The following WIPF1 variants were observed in gnomAD, a reference collection of about 807,000 sequenced individuals.
WIPF1 encodes the protein WAS/WASL-interacting protein family member 1.
WIPF1 carries 13 observed loss-of-function variants against 35.4 expected under a neutral mutation model. The ratio of observed to expected loss-of-function variants is 0.37; its 90% CI spans 0.24 to 0.58. WIPF1 has a LOEUF of 0.58. Among genes scored for constraint, WIPF1 ranks in the 20% least tolerant of loss-of-function variants. The pLI is 0.74. For synonymous variants in WIPF1, 267 were observed against 266.3 expected (o/e 1.00, Z -0.02); for missense variants, 591 against 667.0 (o/e 0.89, Z 1.25).
intron 1 of WIPF1, among the ~76,000 whole-genome samples, chr2:174,606,056 GGTTCTTCC>G (rs1686153418): frequency 6.6e-6 from 1 of 152,040 alleles, no homozygotes; most frequent in Non-Finnish European, 1.5e-5. Context: ...AAGAACAAGT[GGTTCTTCC>G]CAGAAAAGGA....
intron 1 of WIPF1, among the ~76,000 whole-genome samples, chr2:174,620,857 G>A (rs895702943): frequency 2.6e-5 from 4 of 152,168 alleles, no homozygotes; most frequent in African/African-American, 9.7e-5. Context: ...GGGAAGAAGT[G>A]GATTAAGATA....
Position 174,571,642 on chromosome 2 carries a change from T to A in WIPF1, c.1129+34A>T, listed in dbSNP as rs756064139. On this transcript the variant is annotated intron_variant, in intron 5 of 7. Coordinates refer to ENST00000679041, the MANE Select transcript of WIPF1 (RefSeq NM_001375834.1). The surrounding 1 kb of genome is among the most constrained non-coding windows in gnomAD (Gnocchi z 4.6). ...TATTGGTACATTTGGGCAGGCTGGG[T>A]TTTGGAAGCAACTCACTCCACGTCT... The A allele has an allele frequency of 1.9e-5, 31 of 1,613,690 alleles. No individual in the cohort carries two copies. The highest frequency in any genetic ancestry group is 2.6e-5 in the Non-Finnish European group (31 of 1,179,930).
chr2:174,584,521 G>C (rs1685339546), intron 2 of WIPF1, among the ~76,000 whole-genome samples: 1 of 152,186 alleles, frequency 6.6e-6, no homozygotes, highest in African/African-American at 2.4e-5. Flanking sequence ...AGAGGGCTTT[G>C]TAACAGAGCG....
intron 1 of WIPF1, among the ~76,000 whole-genome samples, chr2:174,643,656 C>T (rs1687343649): frequency 7.3e-6 from 1 of 137,232 alleles, no homozygotes; most frequent in Admixed American, 6.9e-5. Context: ...GTGGTCTGCC[C>T]ACCTTGGCCT....
intron 1 of WIPF1, among the ~76,000 whole-genome samples, chr2:174,674,239 A>G (rs1688082070): frequency 6.6e-6 from 1 of 152,242 alleles, no homozygotes; most frequent in Admixed American, 6.5e-5. Context: ...ATCTGCTATG[A>G]TTCACTTTTT....
intron 1 of WIPF1, among the ~76,000 whole-genome samples, chr2:174,659,441 G>C (rs559373321): frequency 3.9e-5 from 6 of 152,226 alleles, no homozygotes; most frequent in Admixed American, 3.3e-4. Flanking sequence ...GATCCTGCTG[G>C]GACTCTAAAA....
At chr2:174,636,945 C>T (rs1428645307) in intron 1 of WIPF1, among the ~76,000 whole-genome samples, 3 of 152,208 alleles carry the variant, frequency 2.0e-5, no homozygotes, top group African/African-American at 7.2e-5. Context: ...TGTAAAGTTG[C>T]TCCCTGCTTC....
intron 1 of WIPF1, among the ~76,000 whole-genome samples, chr2:174,668,309 T>G (rs1415570968): frequency 1.3e-5 from 2 of 152,206 alleles, no homozygotes; most frequent in Non-Finnish European, 2.9e-5. Flanking sequence ...TCTCCGGGGC[T>G]CTGTCTCTTT....
intron 1 of WIPF1, among the ~76,000 whole-genome samples, chr2:174,651,149 A>G (rs1178108622): frequency 6.6e-6 from 1 of 152,236 alleles, no homozygotes; most frequent in African/African-American, 2.4e-5. Flanking sequence ...AAGTGGAAGT[A>G]CTAAGACTGT....
intron 2 of WIPF1, among the ~76,000 whole-genome samples, chr2:174,583,402 T>G (rs905952961): frequency 5.9e-5 from 9 of 152,206 alleles, no homozygotes; most frequent in African/African-American, 2.2e-4. Context: ...TTCAGTAGCC[T>G]CCTGTTCTGC....
In WIPF1 at chr2:174,575,260, C is replaced by T; in HGVS notation, c.302G>A (p.Gly101Glu). 1.2e-6 allele frequency: 2 copies of T among 1,614,000 alleles called. No individual in the cohort carries two copies. Among genetic ancestry groups the T allele is most frequent in the Non-Finnish European group, 1.7e-6 (2 of 1,179,958 alleles). The part of the protein sequence containing the change: ...SFGGGGPPGL[G>E]GLFQAGMPKL... The stretch of plus-strand genomic sequence containing the variant: ...CGGCATTCCAGCCTGGAACAATCCT[C>T]CCAGACCTGGAGGTCCGCCCCCTCC... Residue 101 changes from glycine to glutamate, a missense_variant, in exon 4 of 8, where the codon GGA (glycine) becomes GAA (glutamate). Coordinates refer to ENST00000679041, the MANE Select transcript of WIPF1 (RefSeq NM_001375834.1).
intron 2 of WIPF1, among the ~76,000 whole-genome samples, chr2:174,581,856 C>G (rs1481387414): frequency 6.6e-6 from 1 of 152,164 alleles, no homozygotes; most frequent in African/African-American, 2.4e-5. Context: ...AGAACTACCC[C>G]AGTGCAAGGG....
chr2:174,602,735 A>T (rs886507666), upstream of WIPF1, among the ~76,000 whole-genome samples: 4 of 152,226 alleles, frequency 2.6e-5, no homozygotes, highest in Non-Finnish European at 5.9e-5. Context: ...TAAATTAAAA[A>T]CAAACCTTGT....
chr2:174,653,225 C>A (rs1687569256), intron 1 of WIPF1, among the ~76,000 whole-genome samples: 1 of 152,172 alleles, frequency 6.6e-6, no homozygotes, highest in South Asian at 2.1e-4. Flanking sequence ...ATGGTGTTAA[C>A]CACTCCATGT....
At chr2:174,639,473 C>T (rs1471415618) in intron 1 of WIPF1, among the ~76,000 whole-genome samples, 2 of 152,100 alleles carry the variant, frequency 1.3e-5, no homozygotes, top group African/African-American at 2.4e-5. Context: ...AGGGTGGTCT[C>T]GAACTCCTGG....
chr2:174,562,312 C>T lies in WIPF1; in HGVS notation c.*235G>A, dbSNP rs1370167262. On this transcript the variant is annotated 3_prime_UTR_variant, in exon 8 of 8. Coordinates refer to ENST00000679041, the MANE Select transcript of WIPF1 (RefSeq NM_001375834.1). Reference sequence around the variant, plus strand: ...ACAAAAGCCTATCGACCCCAGCAGCCAGCACAGGCAGGCTGCAGCTGAAGC... The same window carrying T: ...ACAAAAGCCTATCGACCCCAGCAGCTAGCACAGGCAGGCTGCAGCTGAAGC... The T allele has an allele frequency of 2.7e-6, 4 of 1,493,510 alleles. No individual in the cohort carries two copies. The highest frequency in any genetic ancestry group is 1.4e-5 in the African/African-American group (1 of 71,188). 92.5% of individuals were successfully genotyped at this position (1,493,510 alleles called of 1,614,324 possible).
Position 174,572,074 on chromosome 2 carries a change from G to C in WIPF1, c.731C>G (p.Ser244Trp). ...CAGGGGAGGCCGGTTGGAGAAGGGC[G>C]AGGAGGAGCTCAAGGGGGACTGACG... ...SIRQSPLSSS[S>W]PFSNRPPLPP... The change falls in exon 5 of 8, where the codon TCG becomes TGG. Residue 244 changes from serine to tryptophan, a missense_variant. Around this residue, in one of 3 missense-constraint regions of WIPF1, gnomAD observed 471 missense variants for 501.1 expected, o/e 0.94. Transcript: ENST00000679041. 1 of 1,566,532 alleles carries C rather than the reference G, an allele frequency of 6.4e-7. No homozygotes were observed.
intron 1 of WIPF1, among the ~76,000 whole-genome samples, chr2:174,640,284 G>A (rs1031291773): frequency 3.5e-5 from 5 of 141,462 alleles, no homozygotes; most frequent in Non-Finnish European, 7.6e-5. Flanking sequence ...TCACTCATAG[G>A]TGGGAATTGA....
In WIPF1 at chr2:174,643,146, C is replaced by G. The variant is rs866938055; in HGVS notation, c.-39+39628G>C. 1.6e-4 allele frequency among the ~76,000 whole-genome samples: 24 copies of G among 149,144 alleles called. 1 individual carries two copies. In the South Asian group the frequency reaches 4.8e-3, roughly 30 times the overall value. ...ACTATTATATGTGGCCAATACATGT[C>G]TAGTTTTTGTTAATTGGACATCTTC... On this transcript the variant is annotated intron_variant, in intron 1 of 8. Coordinates refer to the WIPF1 transcript ENST00000272746.
Sources: allele counts gnomAD v4.1 joint callset (sites outside exome capture counted in the v4.1 genomes callset), GRCh38; gene constraint gnomAD v4.1.1; regional missense constraint gnomAD v4.1.1; non-coding constraint Gnocchi (gnomAD v3.1); transcripts MANE v1.5; gene names NCBI Gene and HGNC (gene_info 2026-07-23, HGNC 2026-07-21).